COPS7A: variants seen among roughly 807,000 people sequenced by gnomAD.
COPS7A encodes the protein COP9 signalosome complex subunit 7a.
COPS7A carries 20 observed loss-of-function variants against 35.2 expected under a neutral mutation model. That is an observed-to-expected ratio of 0.57 (90% CI 0.40 to 0.83). COPS7A has a LOEUF of 0.83. Among genes scored for constraint, COPS7A ranks in the 40% least tolerant of loss-of-function variants. The probability of loss-of-function intolerance (pLI) is 0.00; values close to 1 mark genes in which losing one functional copy is unlikely to be tolerated. For synonymous variants in COPS7A, 139 were observed against 141.4 expected (o/e 0.98, Z 0.12); for missense variants, 247 against 347.5 (o/e 0.71, Z 2.30).
intron 5 of COPS7A, 23 bp from the exon 6 acceptor site, chr12:6,730,379 C>T: frequency 1.2e-6 from 2 of 1,611,110 alleles, no homozygotes; most frequent in Non-Finnish European, 1.7e-6. Context: ...TCTGCTGACA[C>T]TTCTCTCCCC....
rs190487806 is a variant in COPS7A at position 6,725,379 on chromosome 12, G to C, written c.162+561G>C. ...TCACTGTGTTAGCCAGGATGATCTC[G>C]ATCTCCTGACCTCGTGATCCGCCCG... On this transcript the variant is annotated intron_variant, in intron 2 of 7. Coordinates refer to ENST00000543155, the MANE Select transcript of COPS7A (RefSeq NM_001164094.2). Among the ~76,000 whole-genome samples, 8 of 152,086 alleles carry C rather than the reference G, an allele frequency of 5.3e-5. No homozygotes were observed. In the East Asian group the frequency reaches 1.4e-3, roughly 26 times the overall value.
chr12:6,724,487 A>T, intron 1 of COPS7A, 127 bp from the exon 2 acceptor site: 1 of 793,798 alleles, frequency 1.3e-6, no homozygotes. Context: ...AGAATTTTAG[A>T]CCGCTCCATG....
intron 2 of COPS7A, among the ~76,000 whole-genome samples, chr12:6,726,460 GGC>G (rs1387613164): frequency 6.6e-6 from 1 of 151,774 alleles, no homozygotes; most frequent in African/African-American, 2.4e-5. Flanking sequence ...AAATTAGCCG[GGC>G]GCGGTGGCAG....
chr12:6,730,511 A>G lies in COPS7A; in HGVS notation c.636+4A>G, dbSNP rs750451642. Reference sequence around the variant, plus strand: ...GAAGCAGCAGATTGAGAGTGAGGTGAGCAGTCAGGGGAGCAGGCAGACCCA... The same window carrying G: ...GAAGCAGCAGATTGAGAGTGAGGTGGGCAGTCAGGGGAGCAGGCAGACCCA... On this transcript the variant is annotated splice_donor_region_variant and intron_variant, in intron 6 of 7. Transcript: ENST00000543155. The G allele has an allele frequency of 6.2e-7, 1 of 1,614,072 alleles. No individual in the cohort carries two copies. Among genetic ancestry groups the G allele is most frequent in the Non-Finnish European group, 8.5e-7 (1 of 1,179,998 alleles).
intron 7 of COPS7A, 32 bp downstream of exon 7, chr12:6,730,852 C>A: frequency 6.2e-7 from 1 of 1,612,008 alleles, no homozygotes; most frequent in South Asian, 1.1e-5. Flanking sequence ...TGCTCACTTG[C>A]AGGGTGCCCT....
In COPS7A at chr12:6,724,600, C is replaced by T. The variant is rs112726985; in HGVS notation, c.-43-14C>T. The T allele has an allele frequency of 8.1e-6, 13 of 1,609,268 alleles. No individual in the cohort carries two copies. The African/African-American group carries it at 1.5e-4, about 18-fold the overall frequency. On this transcript the variant is annotated splice_polypyrimidine_tract_variant and intron_variant, in intron 1 of 7. Transcript: ENST00000543155. ...CATCGGGGACCTCTAGCTTCACATC[C>T]TCTTTCCTTGCAGCTCTGGACATCC...
At position 6,729,208 on chromosome 12, in the gene COPS7A, G is replaced by A. The variant is rs1277934778; in HGVS notation, c.328-39G>A. On this transcript the variant is annotated intron_variant, in intron 4 of 7. Transcript: ENST00000543155. This position sits in a 1 kb window ranked among gnomAD's most constrained non-coding sequence, Gnocchi z 4.2. Reference sequence around the variant, plus strand: ...ATTTTTGGAAGCCCTTCTCTACTACGGAGCGTCACAAATCCTGGCCTGATC... The same window carrying A: ...ATTTTTGGAAGCCCTTCTCTACTACAGAGCGTCACAAATCCTGGCCTGATC... The A allele has an allele frequency of 5.0e-6, 8 of 1,609,004 alleles. No homozygotes were observed. Among genetic ancestry groups the A allele is most frequent in the East Asian group, 2.2e-5 (1 of 44,824 alleles).
Position 6,730,525 on chromosome 12 carries a change from C to T in COPS7A, c.636+18C>T, listed in dbSNP as rs754699471. On this transcript the variant is annotated intron_variant, in intron 6 of 7. Transcript: ENST00000543155. ...AGAGTGAGGTGAGCAGTCAGGGGAGCAGGCAGACCCAAACTCCTCCAGCCT... is the reference window on the plus strand; with the variant it reads ...AGAGTGAGGTGAGCAGTCAGGGGAGTAGGCAGACCCAAACTCCTCCAGCCT... 2 of 1,613,146 alleles carry T rather than the reference C, an allele frequency of 1.2e-6. No individual in the cohort carries two copies. The highest frequency in any genetic ancestry group is 2.2e-5 in the East Asian group (1 of 44,892).
intron 2 of COPS7A, among the ~76,000 whole-genome samples, chr12:6,726,292 A>C (rs1941252111): frequency 6.7e-6 from 1 of 149,404 alleles, no homozygotes; most frequent in Admixed American, 6.7e-5. Flanking sequence ...CATCTCAAAA[A>C]ACAAGACAAA....
chr12:6,729,586 C>A lies in COPS7A; in HGVS notation c.530+137C>A. The A allele has an allele frequency of 1.1e-6, 1 of 913,012 alleles. No individual in the cohort carries two copies. Among genetic ancestry groups the A allele is most frequent in the Non-Finnish European group, 1.6e-6 (1 of 611,090 alleles). The allele number at this position is 913,012 out of a possible 1,614,324, so 56.6% of individuals were successfully genotyped here. On this transcript the variant is annotated intron_variant, in intron 5 of 7. Transcript: ENST00000543155. The surrounding 1 kb of genome is among the most constrained non-coding windows in gnomAD (Gnocchi z 4.2). ...ATGAAGGGAAATGAGTTCATCCCTC[C>A]AAAGGCTTCTGGGGAATGCAGGAGT...
At chr12:6,728,091 C>A in intron 3 of COPS7A, 90 bp downstream of exon 3, 1 of 1,481,128 alleles carries the variant, frequency 6.8e-7, no homozygotes, top group Non-Finnish European at 9.4e-7. Context: ...GGATATCCCA[C>A]TTAGATCCCT....
At chr12:6,725,804 C>G (rs12581000) in intron 2 of COPS7A, 2 of 456,004 alleles carry the variant, frequency 4.4e-6, no homozygotes, top group Admixed American at 2.4e-5. Context: ...GTGGTTTAAC[C>G]TTTTGGATCA....
chr12:6,727,931 T>G lies in COPS7A; in HGVS notation c.168T>G (p.Ala56=), dbSNP rs1418976844. The G allele has an allele frequency of 1.9e-6, 3 of 1,614,178 alleles. No individual in the cohort carries two copies. Among genetic ancestry groups the G allele is most frequent in the Non-Finnish European group, 2.5e-6 (3 of 1,180,026 alleles). Residue 56 remains alanine (A), a synonymous_variant, in exon 3 of 8, where the codon GCT becomes GCG. Transcript: ENST00000543155. ...CTTTTTCCTCATTCTCGCAGCTGGC[T>G]GAGAGTGACTTTGCCTCTACCTTCC... ...LLDMPNVREL[A]ESDFASTFRL... is the part of the protein sequence containing the mutation.
intron 3 of COPS7A, 89 bp from the exon 4 acceptor site, chr12:6,728,134 G>T: frequency 6.9e-7 from 1 of 1,452,632 alleles, no homozygotes; most frequent in Non-Finnish European, 9.6e-7. Context: ...GACCTGAATT[G>T]GCATTGAAAG....
intron 5 of COPS7A, 44 bp from the exon 6 acceptor site, chr12:6,730,358 C>T (rs770212907): frequency 2.3e-5 from 36 of 1,579,120 alleles, no homozygotes; most frequent in Middle Eastern, 3.3e-4. Flanking sequence ...AGTCTGTGAT[C>T]GCAGCCCTTG....
Position 6,724,047 on chromosome 12 carries a change from G to C in COPS7A, c.-176G>C, listed in dbSNP as rs148683877. On this transcript the variant is annotated 5_prime_UTR_variant, in exon 1 of 8. Transcript: ENST00000543155. ...GGCCGGAAGCCCGCCATAGAGTTTA[G>C]TGGCCAGAGCGACTCTTCAGGGAGG... 211 of 176,374 alleles carry C rather than the reference G, an allele frequency of 1.2e-3. 1 individual carries two copies. Among genetic ancestry groups the C allele is most frequent in the Admixed American group, 3.0e-3 (48 of 15,938 alleles). The allele number at this position is 176,374 out of a possible 1,614,324, so 10.9% of individuals were successfully genotyped here.
In COPS7A at chr12:6,730,821, G is replaced by T. The variant is rs1415248291; in HGVS notation, c.788+1G>T. 1 of 1,614,016 alleles carries T rather than the reference G, an allele frequency of 6.2e-7. No individual in the cohort carries two copies. The highest frequency in any genetic ancestry group is 2.2e-5 in the East Asian group (1 of 44,890). The stretch of plus-strand genomic sequence containing the variant: ...GCAAGAAAGCCTCAAAGGGCAAGGG[G>T]TGAGCCAGGGTAGCAGGAACTGCTC... On this transcript the variant is annotated splice_donor_variant, in intron 7 of 7. Transcript: ENST00000543155. LOFTEE classifies it high-confidence loss of function.
At chr12:6,730,934 C>G in intron 7 of COPS7A, 66 bp from the exon 8 acceptor site, 1 of 1,588,382 alleles carries the variant, frequency 6.3e-7, no homozygotes. Flanking sequence ...GTGGGGGAGC[C>G]TCCAGGGGTT....
Position 6,731,260 on chromosome 12 carries a change from TC to T in COPS7A, c.*223del. On this transcript the variant is annotated 3_prime_UTR_variant, in exon 8 of 8. Coordinates refer to ENST00000543155, the MANE Select transcript of COPS7A (RefSeq NM_001164094.2). ...TTCTGTTTTTTGTGACTTCATGTGT[TC>T]CATTGCTCCCCGCTGCCATGCTCTC... is the stretch of plus-strand genomic sequence containing the variant. 1 of 1,450,362 alleles carries T rather than the reference TC, an allele frequency of 6.9e-7. No homozygotes were observed. The highest frequency in any genetic ancestry group is 9.1e-7 in the Non-Finnish European group (1 of 1,103,466). 89.8% of individuals were successfully genotyped at this position (1,450,362 alleles called of 1,614,324 possible).
Sources: allele counts gnomAD v4.1 joint callset (sites outside exome capture counted in the v4.1 genomes callset), GRCh38; gene constraint gnomAD v4.1.1; non-coding constraint Gnocchi (gnomAD v3.1); transcripts MANE v1.5; gene names NCBI Gene and HGNC (gene_info 2026-07-23, HGNC 2026-07-21).